Variants in MYO18B observed in about 807,000 individuals in gnomAD.
MYO18B encodes the protein myosin XVIIIB.
A neutral mutation model predicts 273.0 loss-of-function variants in MYO18B; 204 were observed. That is an observed-to-expected ratio of 0.75 (90% confidence interval 0.67 to 0.84). The LOEUF (loss-of-function observed/expected upper bound fraction) is 0.84, where lower values mean the gene tolerates loss of function less well. Among genes scored for constraint, MYO18B ranks in the 40% least tolerant of loss-of-function variants. MYO18B has a pLI of 0.00. For synonymous variants in MYO18B, 1,330 were observed against 1,305.7 expected (o/e 1.02, Z -0.40); for missense variants, 3,212 against 3,287.6 (o/e 0.98, Z 0.56).
chr22:26,051,847 A>G, the MYO18B span, among the ~76,000 whole-genome samples: 1 of 152,248 alleles, frequency 6.6e-6, no homozygotes, highest in Non-Finnish European at 1.5e-5. Flanking sequence ...AGCATATTAA[A>G]TAAATGTTTC....
Position 25,934,378 on chromosome 22 carries a change from C to T in MYO18B, c.5518-11759C>T, listed in dbSNP as rs529793435. ...ATCAGTTGGTCAGGCAGAGGGTGTTCTGTTTAGCTGGATATTCTGGTGAGT... is the reference window on the plus strand; with the variant it reads ...ATCAGTTGGTCAGGCAGAGGGTGTTTTGTTTAGCTGGATATTCTGGTGAGT... On this transcript the variant is annotated intron_variant, in intron 34 of 43. Transcript: ENST00000335473. 2.6e-5 allele frequency among the ~76,000 whole-genome samples: 4 copies of T among 152,172 alleles called. No homozygotes were observed. The East Asian group carries it at 5.8e-4, about 22-fold the overall frequency.
intron 22 of MYO18B, among the ~76,000 whole-genome samples, chr22:25,874,012 G>A (rs1234237728): frequency 1.3e-5 from 2 of 152,196 alleles, no homozygotes; most frequent in Admixed American, 6.5e-5. Flanking sequence ...AATGGAGTGC[G>A]AGATTTTGCA....
chr22:25,790,969 A>G (rs540522905), intron 11 of MYO18B, among the ~76,000 whole-genome samples: 3 of 152,214 alleles, frequency 2.0e-5, no homozygotes, highest in South Asian at 4.1e-4. Context: ...AACTCACTCA[A>G]CCCCACCATC....
chr22:26,001,227 C>T (rs1933924071), intron 40 of MYO18B, among the ~76,000 whole-genome samples: 1 of 152,120 alleles, frequency 6.6e-6, no homozygotes, highest in Non-Finnish European at 1.5e-5. Flanking sequence ...GTAGAAAAAG[C>T]ATTGAGATTA....
At chr22:25,975,753 C>T (rs747817740) in intron 39 of MYO18B, among the ~76,000 whole-genome samples, 2 of 152,286 alleles carry the variant, frequency 1.3e-5, no homozygotes, top group African/African-American at 2.4e-5. Context: ...CTCAGCAGAT[C>T]GGGGGCAGGG....
intron 14 of MYO18B, 106 bp downstream of exon 14, chr22:25,826,605 G>A (rs2145907892): frequency 3.1e-6 from 3 of 962,662 alleles, no homozygotes; most frequent in Middle Eastern, 6.2e-4. Context: ...CTGGCGAGAG[G>A]GTTTCTAAGG....
intron 11 of MYO18B, among the ~76,000 whole-genome samples, chr22:25,792,850 T>A (rs2087740139): frequency 6.6e-6 from 1 of 152,148 alleles, no homozygotes; most frequent in African/African-American, 2.4e-5. Flanking sequence ...GTGGGAATCC[T>A]TGGGCAGGTT....
intron 23 of MYO18B, among the ~76,000 whole-genome samples, chr22:25,875,188 A>G (rs2091157315): frequency 6.6e-6 from 1 of 152,220 alleles, no homozygotes; most frequent in Non-Finnish European, 1.5e-5. Flanking sequence ...CATACCTTGG[A>G]ATGATGTGGA....
intron 21 of MYO18B, among the ~76,000 whole-genome samples, chr22:25,864,370 G>T (rs745474670): frequency 6.6e-6 from 1 of 152,068 alleles, no homozygotes; most frequent in African/African-American, 2.4e-5. Flanking sequence ...GGAGGGGAGA[G>T]GATTTATTAA....
At chr22:25,919,526 A>G (rs1025427830) in intron 33 of MYO18B, among the ~76,000 whole-genome samples, 4 of 152,262 alleles carry the variant, frequency 2.6e-5, no homozygotes, top group Admixed American at 6.5e-5. Context: ...AAAACTGTCT[A>G]TAAATGTAAG....
chr22:26,054,419 C>T, the MYO18B span, among the ~76,000 whole-genome samples: 1 of 152,122 alleles, frequency 6.6e-6, no homozygotes, highest in African/African-American at 2.4e-5. Context: ...GATGTACAAT[C>T]CCCTGTTACT....
chr22:25,772,392 A>C lies in MYO18B; in HGVS notation c.1751A>C (p.Glu584Ala). ...CTGGCCTCTCTCATCAGTGTCAACGAATCCAGTGTCCTGAACACGCTTCTG... is the reference window on the plus strand; with the variant it reads ...CTGGCCTCTCTCATCAGTGTCAACGCATCCAGTGTCCTGAACACGCTTCTG... ...EDLASLISVN[E>A]SSVLNTLLQR... Residue 584 changes from glutamate to alanine, a missense_variant, in exon 7 of 44, where the codon GAA becomes GCA. Coordinates refer to ENST00000335473, the MANE Select transcript of MYO18B (RefSeq NM_032608.7). The C allele has an allele frequency of 6.2e-7, 1 of 1,614,018 alleles. No homozygotes were observed. The highest frequency in any genetic ancestry group is 8.5e-7 in the Non-Finnish European group (1 of 1,179,884).
At position 25,924,429 on chromosome 22, in the gene MYO18B, C is replaced by A. The variant is rs189578539; in HGVS notation, c.5517+3020C>A. ...ATAAGCACCATGGATAGTGAGACAGCGGTGGTACCCACCGTCATAGAATTT... is the reference window on the plus strand; with the variant it reads ...ATAAGCACCATGGATAGTGAGACAGAGGTGGTACCCACCGTCATAGAATTT... On this transcript the variant is annotated intron_variant, in intron 34 of 43. Coordinates refer to ENST00000335473, the MANE Select transcript of MYO18B (RefSeq NM_032608.7). Among the ~76,000 whole-genome samples the A allele has an allele frequency of 4.0e-3, 602 of 152,292 alleles. 5 individuals are homozygous for A. The highest frequency in any genetic ancestry group is 0.014 in the African/African-American group (587 of 41,548).
chr22:25,899,798 G>GAGAGTGACTGATGGTTCAGA (rs2091892902), intron 29 of MYO18B: 1 of 11,892 alleles, frequency 8.4e-5, no homozygotes, highest in African/African-American at 4.9e-4. Flanking sequence ...CTCTGGGCCA[G>GAGAGTGACTGATGGTTCAGA]AGAGTGACTG....
At chr22:26,031,052 C>T (rs186768499), downstream of MYO18B, 101 of 397,296 alleles carry the variant, frequency 2.5e-4, no homozygotes, top group African/African-American at 1.7e-3. Flanking sequence ...TGAACGCATG[C>T]GACACACTGA....
chr22:25,982,935 A>G (rs2093164395), intron 39 of MYO18B, among the ~76,000 whole-genome samples: 2 of 152,184 alleles, frequency 1.3e-5, no homozygotes, highest in Admixed American at 1.3e-4. Context: ...TGAATTCTCA[A>G]CCCACAGAAA....
At chr22:25,898,610 C>G in intron 29 of MYO18B, 149 bp downstream of exon 29, 2 of 777,946 alleles carry the variant, frequency 2.6e-6, no homozygotes, top group Admixed American at 5.8e-5. Flanking sequence ...ACACCTTATT[C>G]CTGTATGGTT....
At chr22:25,850,688 C>T (rs1278790189) in intron 20 of MYO18B, among the ~76,000 whole-genome samples, 1 of 152,114 alleles carries the variant, frequency 6.6e-6, no homozygotes, top group African/African-American at 2.4e-5. Flanking sequence ...AGTAATTCTC[C>T]CACCTCCAGA....
At chr22:25,788,118 T>C (rs866739255) in intron 11 of MYO18B, among the ~76,000 whole-genome samples, 3 of 152,224 alleles carry the variant, frequency 2.0e-5, no homozygotes, top group Non-Finnish European at 4.4e-5. Context: ...GGGCATTTTT[T>C]AGACCAATTG....
Sources: allele counts gnomAD v4.1 joint callset (sites outside exome capture counted in the v4.1 genomes callset), GRCh38; gene constraint gnomAD v4.1.1; transcripts MANE v1.5; gene names NCBI Gene and HGNC (gene_info 2026-07-23, HGNC 2026-07-21).